SRRM4: variants seen among roughly 807,000 people sequenced by gnomAD.
SRRM4 encodes serine/arginine repetitive matrix protein 4.
A neutral mutation model predicts 68.9 loss-of-function variants in SRRM4; 33 were observed. The ratio of observed to expected loss-of-function variants is 0.48; its 90% CI spans 0.36 to 0.64. The LOEUF is 0.64. Among genes scored for constraint, SRRM4 ranks in the 30% least tolerant of loss-of-function variants. The pLI, the probability that SRRM4 is intolerant of heterozygous loss-of-function variation, is 0.00. For synonymous variants in SRRM4, 318 were observed against 318.8 expected, an observed-to-expected ratio of 1.00 and a Z score of 0.03; for missense variants, 817 against 827.1, an observed-to-expected ratio of 0.99 and a Z score of 0.15.
rs906299929 is a variant in SRRM4 at position 119,161,635 on chromosome 12, T to A, written c.*4837T>A. 2 of 152,598 alleles carry A rather than the reference T, an allele frequency of 1.3e-5. No homozygotes were observed. Among genetic ancestry groups the A allele is most frequent in the Non-Finnish European group, 2.9e-5 (2 of 68,036 alleles). 9.5% of individuals were successfully genotyped at this position (152,598 alleles called of 1,614,324 possible). On this transcript the variant is annotated 3_prime_UTR_variant, in exon 13 of 13. Transcript: ENST00000267260. The stretch of plus-strand genomic sequence containing the variant: ...GACCACCTCTTTCCCTGAATTGCTA[T>A]TGAGAATTGGTCCATCTCCCAGCTC...
At chr12:118,997,839 G>A (rs1192561248) in intron 1 of SRRM4, among the ~76,000 whole-genome samples, 2 of 152,020 alleles carry the variant, frequency 1.3e-5, no homozygotes, top group African/African-American at 4.8e-5. Flanking sequence ...AGTTTACAGA[G>A]GAGGAAGCTG....
chr12:119,114,055 G>A (rs1954161719), intron 2 of SRRM4: 2 of 404,298 alleles, frequency 4.9e-6, no homozygotes, highest in South Asian at 9.6e-5. Context: ...TAATCAGTTG[G>A]TGTTTGGGTA....
chr12:119,025,195 T>G (rs758522283), intron 1 of SRRM4, among the ~76,000 whole-genome samples: 4 of 151,348 alleles, frequency 2.6e-5, no homozygotes, highest in Non-Finnish European at 1.5e-5. Flanking sequence ...TACATTGAGA[T>G]GTTAGCCAAA....
chr12:119,052,627 C>G (rs965130389), intron 1 of SRRM4, among the ~76,000 whole-genome samples: 6 of 152,168 alleles, frequency 3.9e-5, no homozygotes, highest in Admixed American at 2.6e-4. Context: ...CTCCCGGGTT[C>G]ACACCATTCT....
At chr12:119,061,742 T>C (rs1953813478) in intron 1 of SRRM4, among the ~76,000 whole-genome samples, 1 of 152,154 alleles carries the variant, frequency 6.6e-6, no homozygotes, top group African/African-American at 2.4e-5. Context: ...CCAGAATTTC[T>C]TGGCATTATT....
At chr12:119,039,882 C>A (rs1184195501) in intron 1 of SRRM4, among the ~76,000 whole-genome samples, 1 of 152,106 alleles carries the variant, frequency 6.6e-6, no homozygotes, top group Non-Finnish European at 1.5e-5. Flanking sequence ...CTCAGCCACC[C>A]ATATACCAGG....
intron 1 of SRRM4, among the ~76,000 whole-genome samples, chr12:119,089,598 C>G (rs1954002053): frequency 6.6e-6 from 1 of 152,138 alleles, no homozygotes; most frequent in Non-Finnish European, 1.5e-5. Flanking sequence ...CGGAATAAGC[C>G]TAAAGGAGGT....
At chr12:118,984,973 G>C (rs1345986973) in intron 1 of SRRM4, among the ~76,000 whole-genome samples, 1 of 152,200 alleles carries the variant, frequency 6.6e-6, no homozygotes, top group African/African-American at 2.4e-5. Flanking sequence ...TCAGACAACA[G>C]GTTGTAAGGA....
intron 1 of SRRM4, among the ~76,000 whole-genome samples, chr12:119,089,530 C>G (rs545409157): frequency 1.6e-4 from 24 of 152,310 alleles, no homozygotes; most frequent in African/African-American, 4.6e-4. Flanking sequence ...AGAGCTCCCT[C>G]TCTCCCATGG....
intron 1 of SRRM4, among the ~76,000 whole-genome samples, chr12:119,091,248 T>C (rs1224425381): frequency 2.0e-5 from 3 of 152,208 alleles, no homozygotes; most frequent in Non-Finnish European, 2.9e-5. Context: ...AATTTATCCC[T>C]GGACTGTAGA....
intron 7 of SRRM4, among the ~76,000 whole-genome samples, chr12:119,130,062 C>T (rs1268627421): frequency 7.7e-6 from 1 of 130,220 alleles, no homozygotes; most frequent in African/African-American, 3.0e-5. Flanking sequence ...GATGGATAAA[C>T]GGATGGATGG....
intron 1 of SRRM4, among the ~76,000 whole-genome samples, chr12:119,066,234 T>C (rs895644634): frequency 5.3e-5 from 8 of 152,196 alleles, no homozygotes; most frequent in African/African-American, 1.9e-4. Flanking sequence ...TTCTTCTATG[T>C]GCCAAGTACT....
intron 1 of SRRM4, among the ~76,000 whole-genome samples, chr12:119,098,608 C>T (rs1592897291): frequency 6.6e-6 from 1 of 152,176 alleles, no homozygotes; most frequent in South Asian, 2.1e-4. Context: ...AATTAAATGA[C>T]AACATATTAT....
At chr12:118,992,520 C>T (rs1399065751) in intron 1 of SRRM4, among the ~76,000 whole-genome samples, 1 of 152,218 alleles carries the variant, frequency 6.6e-6, no homozygotes, top group African/African-American at 2.4e-5. Flanking sequence ...TTGCCCCAGC[C>T]TCCTGTCCAC....
rs138176105 is a variant in SRRM4, at chr12:119,097,951, G to T, written c.132-4285G>T. On this transcript the variant is annotated intron_variant, in intron 1 of 12. Coordinates refer to ENST00000267260, the MANE Select transcript of SRRM4 (RefSeq NM_194286.4). ...TTTTGCCTATCATGGGATTGCTTGT[G>T]GTATCGATTTATTTTCTACAATGTC... Among the ~76,000 whole-genome samples the T allele has an allele frequency of 2.0e-3, 303 of 152,270 alleles. 1 individual carries two copies. The highest frequency in any genetic ancestry group is 6.8e-3 in the Middle Eastern group (2 of 294).
chr12:119,050,848 T>C (rs549275523), intron 1 of SRRM4, among the ~76,000 whole-genome samples: 2 of 152,178 alleles, frequency 1.3e-5, no homozygotes, highest in South Asian at 2.1e-4. Context: ...TTATTAAATG[T>C]ACTATTTATT....
intron 1 of SRRM4, among the ~76,000 whole-genome samples, chr12:119,073,008 G>A (rs1296518555): frequency 1.3e-5 from 2 of 151,874 alleles, no homozygotes; most frequent in Admixed American, 6.6e-5. Context: ...AATGAGATAG[G>A]ACGAACAGCT....
At chr12:119,048,933 A>G (rs909403525) in intron 1 of SRRM4, among the ~76,000 whole-genome samples, 1 of 152,162 alleles carries the variant, frequency 6.6e-6, no homozygotes, top group Non-Finnish European at 1.5e-5. Flanking sequence ...CAATAACAAT[A>G]ATAACAGCAA....
At chr12:119,088,132 C>A (rs905241150) in intron 1 of SRRM4, among the ~76,000 whole-genome samples, 1 of 152,128 alleles carries the variant, frequency 6.6e-6, no homozygotes, top group Non-Finnish European at 1.5e-5. Flanking sequence ...CAGCTCTCAT[C>A]CTTAAATTGG....
Sources: allele counts gnomAD v4.1 joint callset (sites outside exome capture counted in the v4.1 genomes callset), GRCh38; gene constraint gnomAD v4.1.1; transcripts MANE v1.5; gene names NCBI Gene and HGNC (gene_info 2026-07-23, HGNC 2026-07-21).